The following PAX2 variants were observed in gnomAD, a reference collection of about 807,000 sequenced individuals.
The protein encoded by PAX2 is paired box protein Pax-2.
PAX2 carries 9 observed loss-of-function variants against 41.7 expected under a neutral mutation model. The ratio of observed to expected loss-of-function variants is 0.22; its 90% CI spans 0.13 to 0.38. The LOEUF (loss-of-function observed/expected upper bound fraction) is 0.38, where lower values mean the gene tolerates loss of function less well. Among genes scored for constraint, PAX2 ranks in the 10% least tolerant of loss-of-function variants. The probability of loss-of-function intolerance (pLI) is 1.00; values close to 1 mark genes in which losing one functional copy is unlikely to be tolerated. For synonymous variants in PAX2, 221 were observed against 212.7 expected, an observed-to-expected ratio of 1.04 and a Z score of -0.34; for missense variants, 418 against 531.6, an observed-to-expected ratio of 0.79 and a Z score of 2.10.
chr10:100,769,127 A>G (rs561584986), intron 3 of PAX2, among the ~76,000 whole-genome samples: 2 of 152,322 alleles, frequency 1.3e-5, no homozygotes, highest in South Asian at 4.1e-4. Flanking sequence ...TCAGGTTTAA[A>G]TTCTGGCTCT....
chr10:100,827,052 G>C lies in PAX2; in HGVS notation c.1065G>C (p.Thr355=). ...ACCCGTACAGCCACCCCCAGTACAC[G>C]GCCTACAACGAGGCTTGGAGATTCA... The part of the protein sequence containing the change: ...SGNPYSHPQY[T]AYNEAWRFSN... Residue 355 remains threonine, a synonymous_variant, in exon 9 of 10, where the codon ACG becomes ACC. Coordinates refer to ENST00000355243, the MANE Select transcript of PAX2 (RefSeq NM_000278.5). The surrounding 1 kb of genome is among the most constrained non-coding windows in gnomAD (Gnocchi z 8.5). The C allele has an allele frequency of 1.9e-6, 3 of 1,613,644 alleles. No homozygotes were observed. Among genetic ancestry groups the C allele is most frequent in the Non-Finnish European group, 2.5e-6 (3 of 1,179,620 alleles).
chr10:100,755,823 G>C (rs1845605988), intron 3 of PAX2, among the ~76,000 whole-genome samples: 1 of 152,180 alleles, frequency 6.6e-6, no homozygotes, highest in South Asian at 2.1e-4. Context: ...AATTAGCCAA[G>C]TGGAGATGGG....
intron 5 of PAX2, among the ~76,000 whole-genome samples, chr10:100,800,986 T>G (rs1847542785): frequency 6.6e-6 from 1 of 152,264 alleles, no homozygotes; most frequent in Admixed American, 6.5e-5. Context: ...ACTGTCACCA[T>G]GCCGGCAGCT....
exon 1 of PAX2, chr10:100,735,629 G>T: frequency 1.9e-6 from 2 of 1,040,866 alleles, no homozygotes; most frequent in South Asian, 9.0e-5. Flanking sequence ...CGGCGGCGAA[G>T]GCGAGACGCG....
In PAX2 at chr10:100,829,458, C is replaced by T. The variant is rs957276660; in HGVS notation, c.*1839C>T. On this transcript the variant is annotated 3_prime_UTR_variant, in exon 10 of 10. Transcript: ENST00000355243. ...GCGGCCGAAGGCCGGGCCGCCCCGT[C>T]CCGCCCCGTAGTTGCTCTTTCGGTA... The T allele has an allele frequency of 4.8e-6, 1 of 207,690 alleles. No individual in the cohort carries two copies. Among genetic ancestry groups the T allele is most frequent in the Non-Finnish European group, 9.9e-6 (1 of 101,288 alleles). 12.9% of individuals were successfully genotyped at this position (207,690 alleles called of 1,614,324 possible).
intron 4 of PAX2, among the ~76,000 whole-genome samples, chr10:100,779,887 C>T (rs550483970): frequency 1.3e-4 from 20 of 151,860 alleles, no homozygotes; most frequent in African/African-American, 4.6e-4. Context: ...TTTTCTTCTT[C>T]TCCTCCTCCT....
At chr10:100,746,589 T>C (rs1845185724) in intron 1 of PAX2, among the ~76,000 whole-genome samples, 1 of 152,262 alleles carries the variant, frequency 6.6e-6, no homozygotes, top group African/African-American at 2.4e-5. Flanking sequence ...TCTTAGGTCA[T>C]GGGATCCACG....
At chr10:100,766,527 C>T (rs1345457569) in intron 3 of PAX2, among the ~76,000 whole-genome samples, 4 of 152,214 alleles carry the variant, frequency 2.6e-5, no homozygotes, top group African/African-American at 7.2e-5. Context: ...GGGATCTAGA[C>T]TCTCAATTGG....
chr10:100,788,992 G>A lies in PAX2; in HGVS notation c.616+7627G>A, dbSNP rs140822656. 3.0e-3 allele frequency among the ~76,000 whole-genome samples: 460 copies of A among 152,194 alleles called. 3 individuals are homozygous for A. The highest frequency in any genetic ancestry group is 0.011 in the African/African-American group (441 of 41,516). On this transcript the variant is annotated intron_variant, in intron 5 of 9. Transcript: ENST00000355243. Reference sequence around the variant, plus strand: ...CAGGTTTCTAAAGTGAGCTTACATCGTGGGTAGGGAATTGCAGGGCCTCTC... The same window carrying A: ...CAGGTTTCTAAAGTGAGCTTACATCATGGGTAGGGAATTGCAGGGCCTCTC...
chr10:100,762,246 G>C (rs1229526958), intron 3 of PAX2, among the ~76,000 whole-genome samples: 1 of 151,918 alleles, frequency 6.6e-6, no homozygotes, highest in East Asian at 1.9e-4. Context: ...AGGGTCAAGG[G>C]CCTGGATTTC....
chr10:100,764,335 G>A (rs1444710479), intron 3 of PAX2, among the ~76,000 whole-genome samples: 1 of 151,966 alleles, frequency 6.6e-6, no homozygotes, highest in Non-Finnish European at 1.5e-5. Context: ...AGTAGAGACA[G>A]GGTTTCACCT....
Position 100,824,475 on chromosome 10 carries a change from T to A in PAX2, c.920-173T>A, listed in dbSNP as rs1848479255. 6.6e-6 allele frequency among the ~76,000 whole-genome samples: 1 copy of A among 151,018 alleles called. No individual in the cohort carries two copies. The highest frequency in any genetic ancestry group is 2.4e-5 in the African/African-American group (1 of 41,048). ...ATCATAGACATTTAGCTTAGACACA[T>A]GCAAAGGCACACTCAGATGGCGCAT... On this transcript the variant is annotated intron_variant, in intron 7 of 9. Coordinates refer to ENST00000355243, the MANE Select transcript of PAX2 (RefSeq NM_000278.5). The surrounding 1 kb of genome is among the most constrained non-coding windows in gnomAD (Gnocchi z 6.6).
At position 100,824,845 on chromosome 10, in the gene PAX2, G is replaced by C; in HGVS notation, c.1021+96G>C. Reference sequence around the variant, plus strand: ...CTGTAGTCTGAGGCTGGGGTGGGGGGAGACACAACGTCCCCTCCCTGCAAA... The same window carrying C: ...CTGTAGTCTGAGGCTGGGGTGGGGGCAGACACAACGTCCCCTCCCTGCAAA... On this transcript the variant is annotated intron_variant, in intron 8 of 9. Transcript: ENST00000355243. This position sits in a 1 kb window ranked among gnomAD's most constrained non-coding sequence, Gnocchi z 6.6. The C allele has an allele frequency of 6.5e-7, 1 of 1,528,244 alleles. No homozygotes were observed. Among genetic ancestry groups the C allele is most frequent in the Non-Finnish European group, 9.1e-7 (1 of 1,101,820 alleles). 94.7% of individuals were successfully genotyped at this position (1,528,244 alleles called of 1,614,324 possible). A position where few individuals can be genotyped will look rare whatever the true frequency, so the allele number is the denominator to read the frequency against.
chr10:100,747,672 G>GA, intron 1 of PAX2: 1 of 984,548 alleles, frequency 1.0e-6, no homozygotes, highest in Non-Finnish European at 1.2e-6. Context: ...GGGTTGGGGG[G>GA]GGCGTTTAAA....
rs1215739513 is a variant in PAX2 at position 100,791,341 on chromosome 10, A to AGT, written c.616+9984_616+9985dup. Among the ~76,000 whole-genome samples, 3 of 151,812 alleles carry AGT rather than the reference A, an allele frequency of 2.0e-5. No homozygotes were observed. The highest frequency in any genetic ancestry group is 4.4e-5 in the Non-Finnish European group (3 of 67,926). ...CACCTTTTTCAGGAGGACTGGCTAG[A>AGT]GTGTGTGTGCATGTGTATGTGTGTA... On this transcript the variant is annotated intron_variant, in intron 5 of 9. Transcript: ENST00000355243. This position sits in a 1 kb window ranked among gnomAD's most constrained non-coding sequence, Gnocchi z 4.5.
Position 100,805,555 on chromosome 10 carries a change from G to C in PAX2, c.617-875G>C, listed in dbSNP as rs138676772. 4.7e-3 allele frequency among the ~76,000 whole-genome samples: 723 copies of C among 152,300 alleles called. 6 individuals carry two copies. Among genetic ancestry groups the C allele is most frequent in the African/African-American group, 0.017 (688 of 41,566 alleles). ...CGCTGGGAGGCAAGGATAGGGGAGG[G>C]CTGAGAACGCCTGAGGAAAGGGGAC... is the stretch of plus-strand genomic sequence containing the variant. On this transcript the variant is annotated intron_variant, in intron 5 of 9. Transcript: ENST00000355243.
upstream of PAX2, among the ~76,000 whole-genome samples, chr10:100,741,918 C>T (rs1421028151): frequency 6.6e-6 from 1 of 152,204 alleles, no homozygotes; most frequent in African/African-American, 2.4e-5. Context: ...TCCCCTCCCT[C>T]AGACCCCGGT....
At chr10:100,766,486 T>C (rs1217628741) in intron 3 of PAX2, among the ~76,000 whole-genome samples, 1 of 152,204 alleles carries the variant, frequency 6.6e-6, no homozygotes, top group Non-Finnish European at 1.5e-5. Flanking sequence ...TTGGCAAGTT[T>C]ACTCCCGTCC....
chr10:100,780,498 A>T (rs1158839207), intron 4 of PAX2, among the ~76,000 whole-genome samples: 1 of 151,484 alleles, frequency 6.6e-6, no homozygotes, highest in Admixed American at 6.6e-5. Context: ...AGGAGTTGGC[A>T]GGAGCTGTTG....
Sources: gnomAD v4.1 joint callset for allele counts (sites outside exome capture counted in the v4.1 genomes callset) on GRCh38, gnomAD v4.1.1 for gene constraint, Gnocchi (gnomAD v3.1) non-coding constraint, MANE v1.5 for transcripts, NCBI Gene and HGNC (gene_info 2026-07-23, HGNC 2026-07-21) for gene names.